Variants in SLC41A2 observed in about 807,000 individuals in gnomAD.
SLC41A2 encodes SLC41A1-like 1.
In SLC41A2, 32 loss-of-function variants were observed where a neutral mutation model predicts 58.3. The observed-to-expected ratio is 0.55, with a 90% CI of 0.41 to 0.74. SLC41A2 has a LOEUF of 0.74. SLC41A2 is among the 30% of genes least tolerant of loss of function. The probability of loss-of-function intolerance (pLI) is 0.00; values close to 1 mark genes in which losing one functional copy is unlikely to be tolerated. For synonymous variants in SLC41A2, 190 were observed against 235.0 expected (o/e 0.81, Z 1.75); for missense variants, 514 against 680.6 (o/e 0.76, Z 2.72).
rs57548373 is a variant in SLC41A2, at chr12:104,866,381, TAC to T, written c.1175+49_1175+50del. The T allele has an allele frequency of 0.043, 60,463 of 1,390,440 alleles. 67 individuals carry two copies. Among genetic ancestry groups the T allele is most frequent in the South Asian group, 0.079 (4,639 of 58,888 alleles). The allele number at this position is 1,390,440 out of a possible 1,614,324, so 86.1% of individuals were successfully genotyped here. On this transcript the variant is annotated intron_variant, in intron 7 of 10. Transcript: ENST00000258538. ...GAAGACACACAAAGACAGACAGACG[TAC>T]ACACACACACACACACACACACACA...
rs139030084 is a variant in SLC41A2 at position 104,922,033 on chromosome 12, A to G, written c.555+5940T>C. Among the ~76,000 whole-genome samples the G allele has an allele frequency of 7.6e-3, 1,162 of 152,308 alleles. 17 individuals carry two copies. Among genetic ancestry groups the G allele is most frequent in the South Asian group, 0.014 (68 of 4,822 alleles). ...TGTAAAAATCTATAACTTATTCACT[A>G]AAAATAAAAAGCAGCAAATTGAAAC... On this transcript the variant is annotated intron_variant, in intron 2 of 10. Coordinates refer to ENST00000258538, the MANE Select transcript of SLC41A2 (RefSeq NM_001352171.3).
intron 8 of SLC41A2, among the ~76,000 whole-genome samples, chr12:104,852,963 T>C (rs996780989): frequency 6.6e-6 from 1 of 152,162 alleles, no homozygotes; most frequent in African/African-American, 2.4e-5. Context: ...TTAAAGCCAG[T>C]GGAGAGCATC....
At chr12:104,826,403 C>T (rs1297912178) in intron 10 of SLC41A2, among the ~76,000 whole-genome samples, 1 of 152,166 alleles carries the variant, frequency 6.6e-6, no homozygotes, top group South Asian at 2.1e-4. Context: ...AAGGCAATCC[C>T]GACCTTTGCC....
At chr12:104,869,467 A>C (rs2043648751) in intron 6 of SLC41A2, among the ~76,000 whole-genome samples, 1 of 152,158 alleles carries the variant, frequency 6.6e-6, no homozygotes, top group African/African-American at 2.4e-5. Context: ...CCAGATAAAG[A>C]GTATGCAGGG....
At chr12:104,840,663 T>A (rs1210800550) in intron 10 of SLC41A2, among the ~76,000 whole-genome samples, 2 of 152,200 alleles carry the variant, frequency 1.3e-5, no homozygotes, top group Non-Finnish European at 2.9e-5. Context: ...GTATAATCCA[T>A]CACATCTTCT....
At chr12:104,831,216 G>T (rs967162689) in intron 10 of SLC41A2, among the ~76,000 whole-genome samples, 2 of 151,652 alleles carry the variant, frequency 1.3e-5, no homozygotes, top group East Asian at 1.9e-4. Flanking sequence ...ATTTACTTTC[G>T]ATCATAAAAT....
intron 3 of SLC41A2, among the ~76,000 whole-genome samples, chr12:104,906,092 GTTT>G (rs1194532458): frequency 1.3e-5 from 2 of 152,178 alleles, no homozygotes; most frequent in Non-Finnish European, 2.9e-5. Context: ...CTACATAAAA[GTTT>G]TTTTGTTTTT....
At chr12:104,832,140 A>C (rs996058429) in intron 10 of SLC41A2, among the ~76,000 whole-genome samples, 1 of 152,182 alleles carries the variant, frequency 6.6e-6, no homozygotes, top group Non-Finnish European at 1.5e-5. Context: ...GGAATTGACT[A>C]TTAACCCAAG....
intron 6 of SLC41A2, among the ~76,000 whole-genome samples, chr12:104,874,174 C>CA (rs888685873): frequency 6.6e-6 from 1 of 150,886 alleles, no homozygotes; most frequent in Non-Finnish European, 1.5e-5. Context: ...CCCGGGTTCA[C>CA]ACCATTCTCC....
At chr12:104,863,167 G>T (rs2043273746) in intron 7 of SLC41A2, among the ~76,000 whole-genome samples, 1 of 152,212 alleles carries the variant, frequency 6.6e-6, no homozygotes, top group Admixed American at 6.5e-5. Flanking sequence ...AGCCAGCATG[G>T]TGGCTCATGC....
chr12:104,931,154 A>G (rs956053987), intron 1 of SLC41A2, among the ~76,000 whole-genome samples: 1 of 152,260 alleles, frequency 6.6e-6, no homozygotes, highest in African/African-American at 2.4e-5. Context: ...CAGAATCTGC[A>G]TAACCTTACA....
intron 10 of SLC41A2, among the ~76,000 whole-genome samples, chr12:104,814,982 T>A (rs903788585): frequency 6.6e-6 from 1 of 152,264 alleles, no homozygotes; most frequent in Non-Finnish European, 1.5e-5. Context: ...AATTGCTCTA[T>A]TCACCTTTGT....
At chr12:104,929,529 G>A (rs887339482) in intron 1 of SLC41A2, among the ~76,000 whole-genome samples, 1 of 152,210 alleles carries the variant, frequency 6.6e-6, no homozygotes, top group Non-Finnish European at 1.5e-5. Context: ...AGTGACTAGA[G>A]TCTCTTTGAA....
At chr12:104,808,705 T>C (rs1045683086) in intron 10 of SLC41A2, among the ~76,000 whole-genome samples, 2 of 152,198 alleles carry the variant, frequency 1.3e-5, no homozygotes, top group African/African-American at 2.4e-5. Context: ...CCTGGACTTT[T>C]TTTGGTTGGT....
intron 10 of SLC41A2, among the ~76,000 whole-genome samples, chr12:104,839,099 T>C (rs925521910): frequency 6.6e-6 from 1 of 152,212 alleles, no homozygotes; most frequent in Non-Finnish European, 1.5e-5. Context: ...AGTAGAGTTC[T>C]TAATAATCTA....
intron 10 of SLC41A2, among the ~76,000 whole-genome samples, chr12:104,806,314 G>A (rs1295153660): frequency 1.6e-4 from 24 of 151,880 alleles, no homozygotes; most frequent in Admixed American, 2.6e-4. Flanking sequence ...AACATGCAGC[G>A]TTTGGTTTTT....
intron 10 of SLC41A2, among the ~76,000 whole-genome samples, chr12:104,808,099 C>T (rs1259070987): frequency 6.6e-6 from 1 of 152,156 alleles, no homozygotes; most frequent in African/African-American, 2.4e-5. Flanking sequence ...ACTTCCAACA[C>T]TATGTTGAAT....
At chr12:104,818,230 G>C (rs1055471760) in intron 10 of SLC41A2, among the ~76,000 whole-genome samples, 1 of 152,022 alleles carries the variant, frequency 6.6e-6, no homozygotes, top group Non-Finnish European at 1.5e-5. Flanking sequence ...ATAGAAAGCA[G>C]AATCAGAACC....
rs564848654 is a variant in SLC41A2 at position 104,828,781 on chromosome 12, C to T, written c.1536+15691G>A. On this transcript the variant is annotated intron_variant, in intron 10 of 10. Transcript: ENST00000258538. ...GAGAAAATATTTCCAATACATATAT[C>T]TAACAAAAAAGTAGTATCCATAATA... Among the ~76,000 whole-genome samples, 9 of 151,828 alleles carry T rather than the reference C, an allele frequency of 5.9e-5. No individual in the cohort carries two copies. The South Asian group carries it at 1.0e-3, about 18-fold the overall frequency.
Sources: allele counts gnomAD v4.1 joint callset (sites outside exome capture counted in the v4.1 genomes callset), GRCh38; gene constraint gnomAD v4.1.1; transcripts MANE v1.5; gene names NCBI Gene and HGNC (gene_info 2026-07-23, HGNC 2026-07-21).